Variants in ABR observed in about 807,000 individuals in gnomAD.
ABR encodes the protein active breakpoint cluster region-related protein.
In ABR, 35 loss-of-function variants were observed where a neutral mutation model predicts 107.2. The ratio of observed to expected loss-of-function variants is 0.33; its 90% CI spans 0.25 to 0.43. The LOEUF (loss-of-function observed/expected upper bound fraction) is 0.43. Ranked by LOEUF, ABR falls within the 20% of genes least tolerant of loss-of-function variation. The pLI is 1.00. For missense variants in ABR, 815 were observed against 1,115.2 expected (o/e 0.73, Z 3.83); for synonymous variants, 498 against 462.0 (o/e 1.08, Z -1.00).
chr17:1,199,691 G>T (rs2042637065), intron 1 of ABR, among the ~76,000 whole-genome samples: 2 of 152,104 alleles, frequency 1.3e-5, no homozygotes, highest in African/African-American at 2.4e-5. Context: ...GACCTCAGGT[G>T]ATCCACCCAC....
rs1448659386 is a variant in ABR at position 1,148,472 on chromosome 17, C to A, written c.62-23105G>T. Among the ~76,000 whole-genome samples the A allele has an allele frequency of 1.3e-5, 2 of 152,132 alleles. No homozygotes were observed. The highest frequency in any genetic ancestry group is 3.9e-4 in the East Asian group (2 of 5,186). ...GGAGCTGTTGTTCAATACAGGGGTCCCCAGCCCCCCCGGGCATGGACCGGC... is the reference window on the plus strand; with the variant it reads ...GGAGCTGTTGTTCAATACAGGGGTCACCAGCCCCCCCGGGCATGGACCGGC... On this transcript the variant is annotated intron_variant, in intron 1 of 22. Coordinates refer to ENST00000302538, the MANE Select transcript of ABR (RefSeq NM_021962.5). This position sits in a 1 kb window ranked among gnomAD's most constrained non-coding sequence, Gnocchi z 4.9.
In ABR at chr17:1,012,739, G is replaced by A. The variant is rs138839291; in HGVS notation, c.1910C>T (p.Pro637Leu). 1.6e-4 allele frequency: 254 copies of A among 1,598,286 alleles called. No homozygotes were observed. Among genetic ancestry groups the A allele is most frequent in the Non-Finnish European group, 1.9e-4 (224 of 1,171,910 alleles). ...GAAGACGCCGGTCTGCTTTTTGGAC[G>A]GGGTCCTCTTCAGGCTCATATCTCG... ...TSRDMSLKRT[P>L]SKKQTGVFGV... Residue 637 changes from proline (P) to leucine (L), a missense_variant, in exon 18 of 23, where the codon CCG becomes CTG. This residue lies in a region of ABR where 175 missense variants were observed against 284.3 expected (regional missense o/e 0.62). Coordinates refer to ENST00000302538, the MANE Select transcript of ABR (RefSeq NM_021962.5).
At chr17:1,193,148 A>G (rs1440458830) in intron 1 of ABR, among the ~76,000 whole-genome samples, 1 of 152,212 alleles carries the variant, frequency 6.6e-6, no homozygotes, top group East Asian at 1.9e-4. Flanking sequence ...TCTTTTGGGA[A>G]CTGGGGGCGA....
intron 16 of ABR, among the ~76,000 whole-genome samples, chr17:1,036,233 C>T (rs1221689720): frequency 6.6e-6 from 1 of 152,186 alleles, no homozygotes; most frequent in African/African-American, 2.4e-5. Flanking sequence ...GCCAGCTAGA[C>T]CAAGGCCACA....
At chr17:1,021,271 G>C (rs1422700841) in intron 16 of ABR, among the ~76,000 whole-genome samples, 1 of 152,212 alleles carries the variant, frequency 6.6e-6, no homozygotes, top group Non-Finnish European at 1.5e-5. Context: ...AGGGCCCCAA[G>C]AGCTCCCAGG....
At chr17:1,047,687 G>A (rs2031839098) in intron 16 of ABR, among the ~76,000 whole-genome samples, 3 of 152,218 alleles carry the variant, frequency 2.0e-5, no homozygotes, top group Middle Eastern at 3.2e-3. Context: ...CTTAAACACA[G>A]AAACATTTTC....
intron 4 of ABR, among the ~76,000 whole-genome samples, chr17:1,085,262 G>A (rs939118949): frequency 3.3e-5 from 5 of 151,704 alleles, no homozygotes; most frequent in Non-Finnish European, 5.9e-5. Context: ...ACAGGCGCCC[G>A]CCACCACGCC....
chr17:1,082,404 C>G (rs1846293263), intron 5 of ABR, among the ~76,000 whole-genome samples: 1 of 152,092 alleles, frequency 6.6e-6, no homozygotes, highest in African/African-American at 2.4e-5. Context: ...GAAGGCTGGG[C>G]CTCAGGAGCA....
chr17:1,169,311 A>G (rs888802929), intron 1 of ABR, among the ~76,000 whole-genome samples: 51 of 152,236 alleles, frequency 3.4e-4, no homozygotes, highest in African/African-American at 1.2e-3. Flanking sequence ...CCTTAAAATC[A>G]GGGTAACAAC....
At chr17:1,147,388 T>G in intron 1 of ABR, among the ~76,000 whole-genome samples, 2 of 147,032 alleles carry the variant, frequency 1.4e-5, no homozygotes, top group Admixed American at 6.9e-5. Flanking sequence ...TGACACAGAG[T>G]CTCACTCTGT....
chr17:1,153,951 C>T, intron 1 of ABR: 1 of 165,952 alleles, frequency 6.0e-6, no homozygotes, highest in Non-Finnish European at 1.3e-5. Flanking sequence ...CCCGCTCCAG[C>T]CTGCCAGGCG....
At chr17:1,171,691 G>A (rs2041715896) in intron 1 of ABR, among the ~76,000 whole-genome samples, 1 of 152,190 alleles carries the variant, frequency 6.6e-6, no homozygotes, top group African/African-American at 2.4e-5. Context: ...CAGCACTTTG[G>A]GAGGCCGAGG....
chr17:1,057,866 GC>G, intron 12 of ABR, 103 bp downstream of exon 12: 1 of 1,044,670 alleles, frequency 9.6e-7, no homozygotes, highest in Non-Finnish European at 1.5e-6. Flanking sequence ...GAGGGTGACT[GC>G]GAGGGCCAAA....
At chr17:1,044,260 C>T (rs2031198278) in intron 16 of ABR, among the ~76,000 whole-genome samples, 1 of 152,320 alleles carries the variant, frequency 6.6e-6, no homozygotes, top group Non-Finnish European at 1.5e-5. Flanking sequence ...CCTTGTTCAC[C>T]CACTAACAAG....
intron 16 of ABR, among the ~76,000 whole-genome samples, chr17:1,044,852 G>A (rs898244727): frequency 5.9e-5 from 9 of 152,108 alleles, no homozygotes; most frequent in East Asian, 1.9e-4. Flanking sequence ...CTGCGGAAGC[G>A]GAGCCTGCGC....
chr17:1,153,094 C>T (rs2040867483), intron 1 of ABR, among the ~76,000 whole-genome samples: 2 of 152,230 alleles, frequency 1.3e-5, no homozygotes, highest in Admixed American at 6.5e-5. Flanking sequence ...TTGACACAGC[C>T]TGGGCAGGTT....
At chr17:1,021,398 C>T (rs1452926455) in intron 16 of ABR, among the ~76,000 whole-genome samples, 3 of 152,348 alleles carry the variant, frequency 2.0e-5, no homozygotes, top group East Asian at 1.9e-4. Context: ...CCTCGGGGGC[C>T]GCCCCATCCT....
At chr17:1,152,577 GT>G (rs1443763378) in intron 1 of ABR, among the ~76,000 whole-genome samples, 2 of 151,610 alleles carry the variant, frequency 1.3e-5, no homozygotes, top group Admixed American at 1.3e-4. Flanking sequence ...GAGAACAAGA[GT>G]GAAACTCTGT....
At chr17:1,205,891 G>C (rs2042779143) in intron 1 of ABR, among the ~76,000 whole-genome samples, 1 of 152,106 alleles carries the variant, frequency 6.6e-6, no homozygotes, top group African/African-American at 2.4e-5. Context: ...GCAGTGAGCT[G>C]AGATTGCGCC....
Sources: allele counts gnomAD v4.1 joint callset (sites outside exome capture counted in the v4.1 genomes callset), GRCh38; gene constraint gnomAD v4.1.1; regional missense constraint gnomAD v4.1.1; non-coding constraint Gnocchi (gnomAD v3.1); transcripts MANE v1.5; gene names NCBI Gene and HGNC (gene_info 2026-07-23, HGNC 2026-07-21).